Variants in CERS3 observed in about 807,000 individuals in gnomAD.
The protein encoded by CERS3 is ceramide synthase 3.
A neutral mutation model predicts 50.3 loss-of-function variants in CERS3; 33 were observed. That is an observed-to-expected ratio of 0.66 (90% confidence interval 0.50 to 0.88). The LOEUF (loss-of-function observed/expected upper bound fraction) is 0.88, where lower values mean the gene tolerates loss of function less well. Among genes scored for constraint, CERS3 ranks in the 40% least tolerant of loss-of-function variants. The pLI, the probability that CERS3 is intolerant of heterozygous loss-of-function variation, is 0.00. For missense variants in CERS3, 470 were observed against 460.3 expected (o/e 1.02, Z -0.19); for synonymous variants, 176 against 155.2 (o/e 1.13, Z -0.99).
At chr15:100,502,158 T>C (rs1039541821) in intron 2 of CERS3, among the ~76,000 whole-genome samples, 4 of 146,522 alleles carry the variant, frequency 2.7e-5, no homozygotes, top group East Asian at 2.0e-4. Context: ...GGCAGGAGAA[T>C]AGCTTGATCC....
intron 11 of CERS3, among the ~76,000 whole-genome samples, chr15:100,442,517 C>T (rs572936722): frequency 2.2e-4 from 34 of 152,308 alleles, no homozygotes; most frequent in Middle Eastern, 3.4e-3. Flanking sequence ...TGAACTGCAG[C>T]GGCCAGGCAT....
At chr15:100,450,416 C>CAAAAAAAAAAAAAAAA (rs34873483) in intron 11 of CERS3, among the ~76,000 whole-genome samples, 2 of 63,428 alleles carry the variant, frequency 3.2e-5, no homozygotes, top group Non-Finnish European at 5.6e-5. Context: ...GACTCTGTCT[C>CAAAAAAAAAAAAAAAA]AAAAAAAAAA....
chr15:100,473,807 A>C lies in CERS3; in HGVS notation c.610-755T>G, dbSNP rs563463717. ...CAATTCCACTCTTAGGTGGAATGAA[A>C]ACATATGTTCATGCAAAAACTTGTG... On this transcript the variant is annotated intron_variant, in intron 8 of 11. Transcript: ENST00000679737. 2.0e-5 allele frequency among the ~76,000 whole-genome samples: 3 copies of C among 152,374 alleles called. No individual in the cohort carries two copies. In the East Asian group the frequency reaches 5.8e-4, roughly 29 times the overall value.
intron 3 of CERS3, among the ~76,000 whole-genome samples, chr15:100,498,847 AG>A (rs1482187609): frequency 6.6e-6 from 1 of 152,256 alleles, no homozygotes; most frequent in South Asian, 2.1e-4. Context: ...AAGGATTCAG[AG>A]GCTCTGTGAG....
intron 3 of CERS3, 99 bp downstream of exon 3, chr15:100,501,578 C>T (rs184607385): frequency 6.6e-6 from 7 of 1,063,334 alleles, no homozygotes; most frequent in Admixed American, 2.3e-5. Context: ...AACCTCTGAA[C>T]AACAGATTCT....
At chr15:100,465,704 G>T (rs1157543657) in intron 10 of CERS3, among the ~76,000 whole-genome samples, 2 of 151,310 alleles carry the variant, frequency 1.3e-5, no homozygotes, top group Non-Finnish European at 2.9e-5. Flanking sequence ...TGTCACCCAG[G>T]CTGGAGTGCA....
At chr15:100,455,842 C>T (rs548520238) in intron 11 of CERS3, 51 bp downstream of exon 11, 4 of 1,286,928 alleles carry the variant, frequency 3.1e-6, no homozygotes, top group Non-Finnish European at 4.3e-6. Context: ...CCGGGCCTCA[C>T]CATTAACCTG....
intron 11 of CERS3, among the ~76,000 whole-genome samples, chr15:100,406,035 C>T (rs1010651729): frequency 6.6e-6 from 1 of 152,226 alleles, no homozygotes; most frequent in African/African-American, 2.4e-5. Flanking sequence ...GTTTCCTCCT[C>T]TTCTCTCATG....
At chr15:100,534,109 C>G in intron 1 of CERS3, among the ~76,000 whole-genome samples, 1 of 152,224 alleles carries the variant, frequency 6.6e-6, no homozygotes, top group East Asian at 1.9e-4. Context: ...ACCACTCCCT[C>G]TGAGGGCTGG....
intron 3 of CERS3, 40 bp downstream of exon 3, chr15:100,501,637 A>C (rs545118992): frequency 6.6e-7 from 1 of 1,524,442 alleles, no homozygotes; most frequent in South Asian, 1.1e-5. Flanking sequence ...TGTTAGAGCA[A>C]AGAGGGGGAA....
chr15:100,500,672 C>T (rs11247211), intron 3 of CERS3, among the ~76,000 whole-genome samples: 83,948 of 152,062 alleles, frequency 0.55, 24,169 homozygotes, highest in Admixed American at 0.62. Context: ...AAAAGAAGTA[C>T]ATTTTCAAAT....
At chr15:100,437,430 G>A (rs2142140156) in intron 11 of CERS3, among the ~76,000 whole-genome samples, 1 of 152,236 alleles carries the variant, frequency 6.6e-6, no homozygotes, top group Middle Eastern at 3.4e-3. Flanking sequence ...ACGAGGATGT[G>A]TCAAAAATGA....
At chr15:100,531,164 A>G (rs376518026), upstream of CERS3, among the ~76,000 whole-genome samples, 41 of 152,366 alleles carry the variant, frequency 2.7e-4, no homozygotes, top group South Asian at 8.1e-3. Flanking sequence ...TTACTTCTAC[A>G]ATGAAACACA....
Position 100,501,996 on chromosome 15 carries a change from C to CA in CERS3, c.-1-147dup, listed in dbSNP as rs113498668. ...GCGCAGTGGCTCACACCTGCAATAT[C>CA]AGCACTTTGGGAGACCAAGGCGGGC... On this transcript the variant is annotated intron_variant, in intron 2 of 11. Transcript: ENST00000679737. 4,194 of 747,404 alleles carry CA rather than the reference C, an allele frequency of 5.6e-3. 159 individuals are homozygous for CA. In the African/African-American group the frequency reaches 0.066, roughly 12 times the overall value. 46.3% of individuals were successfully genotyped at this position (747,404 alleles called of 1,614,324 possible).
upstream of CERS3, among the ~76,000 whole-genome samples, chr15:100,530,770 T>C (rs2036918364): frequency 6.6e-6 from 1 of 152,136 alleles, no homozygotes; most frequent in Non-Finnish European, 1.5e-5. Context: ...TTACTCAGAA[T>C]TAAACAAGCC....
rs531650784 is a variant in CERS3, at chr15:100,418,644, T to C, written c.1000-15779A>G. On this transcript the variant is annotated intron_variant, in intron 11 of 11. Transcript: ENST00000679737. ...CACATAACTGTCAGATTCACCAAAG[T>C]TGAAATCAAGGAAAAAATGTTAAGG... Among the ~76,000 whole-genome samples, 30 of 133,026 alleles carry C rather than the reference T, an allele frequency of 2.3e-4. 1 individual carries two copies. The South Asian group carries it at 6.0e-3, about 27-fold the overall frequency. The allele number at this position is 133,026 out of a possible 152,430, so 87.3% of individuals were successfully genotyped here.
chr15:100,409,331 A>G (rs2142053359), intron 11 of CERS3, among the ~76,000 whole-genome samples: 1 of 152,300 alleles, frequency 6.6e-6, no homozygotes, highest in Admixed American at 6.5e-5. Context: ...GATGGTCTAG[A>G]TCTATGAGAT....
At chr15:100,444,335 T>C (rs530812646) in intron 11 of CERS3, among the ~76,000 whole-genome samples, 4 of 149,580 alleles carry the variant, frequency 2.7e-5, no homozygotes, top group African/African-American at 9.9e-5. Flanking sequence ...ATTACCATTG[T>C]TCCTGGCCCG....
At chr15:100,411,873 C>G (rs1567591359) in intron 11 of CERS3, among the ~76,000 whole-genome samples, 1 of 152,082 alleles carries the variant, frequency 6.6e-6, no homozygotes, top group African/African-American at 2.4e-5. Context: ...TGATGAGTAT[C>G]TTTTCATGTG....
Sources: gnomAD v4.1 joint callset for allele counts (sites outside exome capture counted in the v4.1 genomes callset) on GRCh38, gnomAD v4.1.1 for gene constraint, MANE v1.5 for transcripts, NCBI Gene and HGNC (gene_info 2026-07-23, HGNC 2026-07-21) for gene names.